COL19A1: variants seen among roughly 807,000 people sequenced by gnomAD.
COL19A1 encodes the protein collagen type XIX alpha 1 chain.
In COL19A1, 159 loss-of-function variants were observed where a neutral mutation model predicts 190.2. The observed-to-expected ratio is 0.84, with a 90% CI of 0.73 to 0.95. The LOEUF (loss-of-function observed/expected upper bound fraction) is 0.95, where lower values mean the gene tolerates loss of function less well. COL19A1 is among the 40% of genes least tolerant of loss of function. COL19A1 has a pLI of 0.00. For synonymous variants in COL19A1, 509 were observed against 458.9 expected (o/e 1.11, Z -1.39); for missense variants, 1,418 against 1,431.9 (o/e 0.99, Z 0.16).
chr6:69,907,422 G>A (rs1023795181), intron 4 of COL19A1, among the ~76,000 whole-genome samples: 3 of 152,038 alleles, frequency 2.0e-5, no homozygotes, highest in East Asian at 1.9e-4. Flanking sequence ...GAGCCACTGC[G>A]CCCGGCTGAT....
At chr6:70,180,548 T>C in intron 44 of COL19A1, 25 bp downstream of exon 44, 1 of 1,609,708 alleles carries the variant, frequency 6.2e-7, no homozygotes, top group Non-Finnish European at 8.5e-7. Context: ...CTACTTAAAA[T>C]ATGCCACCTA....
intron 15 of COL19A1, among the ~76,000 whole-genome samples, chr6:70,068,915 C>T (rs910402401): frequency 1.3e-5 from 2 of 151,990 alleles, no homozygotes; most frequent in African/African-American, 4.8e-5. Context: ...TTAACTGAGA[C>T]AAAATAGTAA....
chr6:70,122,205 C>G (rs1023861238), intron 17 of COL19A1, among the ~76,000 whole-genome samples: 1 of 152,054 alleles, frequency 6.6e-6, no homozygotes, highest in Non-Finnish European at 1.5e-5. Context: ...ACATTGTGTT[C>G]CACCATCAAT....
chr6:70,163,545 G>A, intron 36 of COL19A1, 149 bp downstream of exon 36: 1 of 674,396 alleles, frequency 1.5e-6, no homozygotes, highest in Non-Finnish European at 2.5e-6. Context: ...GGATTTGGAA[G>A]AACACAGGTC....
chr6:70,010,528 C>A (rs753393763), intron 11 of COL19A1, among the ~76,000 whole-genome samples: 2 of 142,070 alleles, frequency 1.4e-5, no homozygotes, highest in African/African-American at 5.7e-5. Flanking sequence ...GGAAGCAGGG[C>A]GAGGCATTGC....
chr6:70,025,327 G>A (rs981382990), intron 12 of COL19A1, among the ~76,000 whole-genome samples: 1 of 152,190 alleles, frequency 6.6e-6, no homozygotes, highest in Non-Finnish European at 1.5e-5. Flanking sequence ...ACCGTGCCCG[G>A]CAGACTTGGG....
At chr6:70,162,220 A>G (rs1333372939) in intron 35 of COL19A1, among the ~76,000 whole-genome samples, 2 of 152,184 alleles carry the variant, frequency 1.3e-5, no homozygotes, top group Non-Finnish European at 2.9e-5. Flanking sequence ...GAAATTGCAT[A>G]TAAAAGAGCA....
At chr6:70,005,860 G>A (rs1777589058) in intron 11 of COL19A1, among the ~76,000 whole-genome samples, 1 of 152,124 alleles carries the variant, frequency 6.6e-6, no homozygotes, top group Admixed American at 6.5e-5. Context: ...TCTGGCTGGA[G>A]TTATTGGACT....
intron 39 of COL19A1, among the ~76,000 whole-genome samples, 195 bp from the exon 40 acceptor site, chr6:70,168,460 A>G (rs1214527520): frequency 6.6e-6 from 1 of 152,204 alleles, no homozygotes; most frequent in Non-Finnish European, 1.5e-5. Context: ...AACTAAGTCA[A>G]TGTCCAAGCA....
chr6:69,886,373 T>C (rs970991806), intron 2 of COL19A1, among the ~76,000 whole-genome samples: 1 of 152,158 alleles, frequency 6.6e-6, no homozygotes, highest in Admixed American at 6.5e-5. Flanking sequence ...TCTAGCACAC[T>C]GTTGGTGGGA....
chr6:70,007,376 G>A (rs1262554702), intron 11 of COL19A1, among the ~76,000 whole-genome samples: 3 of 152,004 alleles, frequency 2.0e-5, no homozygotes, highest in African/African-American at 4.8e-5. Flanking sequence ...GAAAGTTAAA[G>A]GATATATACA....
At chr6:70,168,763 C>A (rs182078218) in intron 40 of COL19A1, 82 bp downstream of exon 40, 6 of 1,473,854 alleles carry the variant, frequency 4.1e-6, no homozygotes, top group Non-Finnish European at 5.6e-6. Flanking sequence ...GCAAAATGGC[C>A]TGCCTTCTTA....
intron 41 of COL19A1, among the ~76,000 whole-genome samples, chr6:70,173,344 A>G (rs1182135069): frequency 2.0e-5 from 3 of 152,216 alleles, no homozygotes; most frequent in African/African-American, 7.2e-5. Context: ...GGGAATGCCA[A>G]TAGAGTTTTT....
intron 14 of COL19A1, among the ~76,000 whole-genome samples, chr6:70,053,632 A>G (rs1484451715): frequency 1.3e-5 from 2 of 152,228 alleles, no homozygotes; most frequent in African/African-American, 4.8e-5. Flanking sequence ...AAATATTTGT[A>G]TATAGACTTA....
At chr6:70,117,536 A>G (rs1784646366) in intron 16 of COL19A1, among the ~76,000 whole-genome samples, 1 of 152,214 alleles carries the variant, frequency 6.6e-6, no homozygotes, top group Non-Finnish European at 1.5e-5. Context: ...TACTTCCCAA[A>G]TTGAATATAG....
intron 34 of COL19A1, among the ~76,000 whole-genome samples, chr6:70,159,313 T>C (rs1165780777): frequency 6.6e-6 from 1 of 152,000 alleles, no homozygotes; most frequent in Non-Finnish European, 1.5e-5. Flanking sequence ...TTACTTTGCA[T>C]CTATAAACCT....
At chr6:70,095,267 A>G (rs1053247915) in intron 15 of COL19A1, among the ~76,000 whole-genome samples, 1 of 152,014 alleles carries the variant, frequency 6.6e-6, no homozygotes, top group African/African-American at 2.4e-5. Context: ...CATTTTTTTT[A>G]TTTCTACCTC....
intron 14 of COL19A1, among the ~76,000 whole-genome samples, chr6:70,051,690 T>A (rs913552404): frequency 6.6e-6 from 1 of 152,064 alleles, no homozygotes; most frequent in Non-Finnish European, 1.5e-5. Context: ...TCGTAAGACA[T>A]GCAGAAGCAC....
Position 70,185,956 on chromosome 6 carries a change from G to A in COL19A1, c.2856+1041G>A, listed in dbSNP as rs143296657. Among the ~76,000 whole-genome samples the A allele has an allele frequency of 4.4e-3, 671 of 152,052 alleles. 7 individuals are homozygous for A. The highest frequency in any genetic ancestry group is 0.019 in the East Asian group (97 of 5,174). ...GAGATAAGCACTGTGATATTTGTAC[G>A]TATTTCCATCTCTCTCACTCTAATA... On this transcript the variant is annotated intron_variant, in intron 46 of 50. Coordinates refer to ENST00000620364, the MANE Select transcript of COL19A1 (RefSeq NM_001858.6).
Sources: allele counts gnomAD v4.1 joint callset (sites outside exome capture counted in the v4.1 genomes callset), GRCh38; gene constraint gnomAD v4.1.1; transcripts MANE v1.5; gene names NCBI Gene and HGNC (gene_info 2026-07-23, HGNC 2026-07-21).